TRIP11: variants seen among roughly 807,000 people sequenced by gnomAD.
TRIP11 encodes the protein thyroid hormone receptor interactor 11, also known as thyroid receptor-interacting protein 11.
In TRIP11, 148 loss-of-function variants were observed where a neutral mutation model predicts 223.1. The observed-to-expected ratio is 0.66, with a 90% CI of 0.58 to 0.76. TRIP11 has a LOEUF of 0.76. Ranked by LOEUF, TRIP11 falls within the 30% of genes least tolerant of loss-of-function variation. The pLI is 0.00. For missense variants in TRIP11, 2,043 were observed against 2,222.0 expected (o/e 0.92, Z 1.62); for synonymous variants, 762 against 772.6 (o/e 0.99, Z 0.23).
At position 92,006,324 on chromosome 14, in the gene TRIP11, A is replaced by C. The variant is rs771859255; in HGVS notation, c.1652T>G (p.Met551Arg). ...KRVHQLEDDK[M>R]DITKELDVQK... ...TACATCTAACTCTTTAGTAATGTCC[A>C]TTTTATCATCTTCAAGTTGATGAAC... The change falls in exon 11 of 21, where the codon ATG (methionine) becomes AGG (arginine). Residue 551 changes from methionine to arginine, a missense_variant. Coordinates refer to ENST00000267622, the MANE Select transcript of TRIP11 (RefSeq NM_004239.4). 3.7e-6 allele frequency: 6 copies of C among 1,610,314 alleles called. No individual in the cohort carries two copies. The African/African-American group carries it at 8.0e-5, about 22-fold the overall frequency.
chr14:91,978,983 G>A lies in TRIP11; in HGVS notation c.5261-2794C>T, dbSNP rs79212500. 6.6e-6 allele frequency among the ~76,000 whole-genome samples: 1 copy of A among 152,046 alleles called. No individual in the cohort carries two copies. Among genetic ancestry groups the A allele is most frequent in the Non-Finnish European group, 1.5e-5 (1 of 68,008 alleles). On this transcript the variant is annotated intron_variant, in intron 16 of 20. Transcript: ENST00000267622. This position sits in a 1 kb window ranked among gnomAD's most constrained non-coding sequence, Gnocchi z 4.4. ...CTTATTTTAAAAAGAGAGGCTGGGC[G>A]CAGTGGCTCACGCTTGTAATCCCAG... is the stretch of plus-strand genomic sequence containing the variant.
At chr14:92,024,469 T>G (rs576786305) in intron 3 of TRIP11, among the ~76,000 whole-genome samples, 1 of 152,300 alleles carries the variant, frequency 6.6e-6, no homozygotes, top group South Asian at 2.1e-4. Context: ...TTTATGAAAT[T>G]ATCACTTCCC....
Position 92,005,349 on chromosome 14 carries a change from T to C in TRIP11, c.2627A>G (p.Gln876Arg). The change falls in exon 11 of 21, where the codon CAG becomes CGG. Residue 876 changes from glutamine (Q) to arginine (R), a missense_variant. Physicochemically the swap from Gln to Arg is conservative, Grantham distance 43. Transcript: ENST00000267622. The stretch of plus-strand genomic sequence containing the variant: ...GTCAGCCACAGGTGCGGTTCGACTC[T>C]GCTCTTCCCTGAGTCGTTCCAATTC... ...QEELERLREE[Q>R]SRTAPVADPK... 2 of 1,614,238 alleles carry C rather than the reference T, an allele frequency of 1.2e-6. No individual in the cohort carries two copies. The highest frequency in any genetic ancestry group is 1.7e-6 in the Non-Finnish European group (2 of 1,180,040).
chr14:92,006,640 T>C (rs2056906865), intron 10 of TRIP11, among the ~76,000 whole-genome samples, 192 bp from the exon 11 acceptor site: 1 of 152,242 alleles, frequency 6.6e-6, no homozygotes, highest in African/African-American at 2.4e-5. Flanking sequence ...ACCCATCTTG[T>C]CTTTTTTGTT....
chr14:92,000,830 G>A (rs1045269599), intron 11 of TRIP11, among the ~76,000 whole-genome samples: 3 of 151,592 alleles, frequency 2.0e-5, no homozygotes, highest in Non-Finnish European at 4.4e-5. Context: ...ACAAAAACGT[G>A]TCAGGCTGCT....
intron 5 of TRIP11, among the ~76,000 whole-genome samples, chr14:92,017,148 G>A (rs891691823): frequency 4.6e-5 from 7 of 152,088 alleles, no homozygotes; most frequent in Admixed American, 6.5e-5. Context: ...AGAGACTTAC[G>A]AAAGATAAGC....
At position 92,039,857 on chromosome 14, in the gene TRIP11, G is replaced by C. The variant is rs1595420404; in HGVS notation, c.-172C>G. ...TCCAGGTTCTGCCTAGAAACGCAGAGGCCTGGCCTGGAATTTTACCAGGGG... is the reference window on the plus strand; with the variant it reads ...TCCAGGTTCTGCCTAGAAACGCAGACGCCTGGCCTGGAATTTTACCAGGGG... On this transcript the variant is annotated 5_prime_UTR_variant, in exon 1 of 21. Transcript: ENST00000267622. 7.2e-7 allele frequency: 1 copy of C among 1,385,542 alleles called. No individual in the cohort carries two copies. The highest frequency in any genetic ancestry group is 1.5e-5 in the African/African-American group (1 of 68,780). The allele number at this position is 1,385,542 out of a possible 1,614,324, so 85.8% of individuals were successfully genotyped here.
intron 6 of TRIP11, among the ~76,000 whole-genome samples, chr14:92,015,458 G>A (rs2057023797): frequency 6.6e-6 from 1 of 151,722 alleles, no homozygotes; most frequent in Non-Finnish European, 1.5e-5. Flanking sequence ...CACGAGTTTG[G>A]GACCAGCCTG....
intron 2 of TRIP11, among the ~76,000 whole-genome samples, chr14:92,032,089 T>C (rs1566876044): frequency 6.6e-6 from 1 of 152,194 alleles, no homozygotes; most frequent in Non-Finnish European, 1.5e-5. Flanking sequence ...CATGAGCCAC[T>C]GCGCCCAATC....
chr14:91,999,336 G>A lies in TRIP11; in HGVS notation c.4796C>T (p.Ala1599Val). The A allele has an allele frequency of 1.2e-6, 2 of 1,613,892 alleles. No homozygotes were observed. Among genetic ancestry groups the A allele is most frequent in the Non-Finnish European group, 1.7e-6 (2 of 1,179,904 alleles). Residue 1599 changes from alanine to valine, a missense_variant, in exon 13 of 21, where the codon GCT becomes GTT. Transcript: ENST00000267622. ...LESEDSYTRE[A>V]LAAEDREAKL... ...AGCCTCTCTATCTTCTGCAGCCAAA[G>A]CTTCACGGGTATAAGAATCTTCTGA...
intron 15 of TRIP11, among the ~76,000 whole-genome samples, chr14:91,991,421 C>A (rs1393259326): frequency 6.6e-6 from 1 of 152,168 alleles, no homozygotes; most frequent in Admixed American, 6.5e-5. Flanking sequence ...GACTAAGACA[C>A]TTCCTACCCA....
chr14:91,977,616 T>TC lies in TRIP11; in HGVS notation c.5261-1428_5261-1427insG, dbSNP rs552535903. ...CAAATGTTTTGTCATTCTTTTCTTTTTTTTTTTTTCCTGCCTGGAAAGCTC... is the reference window on the plus strand; with the variant it reads ...CAAATGTTTTGTCATTCTTTTCTTTTCTTTTTTTTTCCTGCCTGGAAAGCTC... On this transcript the variant is annotated intron_variant, in intron 16 of 20. Transcript: ENST00000267622. 2.2e-3 allele frequency among the ~76,000 whole-genome samples: 339 copies of TC among 152,046 alleles called. 1 individual carries two copies. Among genetic ancestry groups the TC allele is most frequent in the African/African-American group, 7.4e-3 (306 of 41,502 alleles).
rs548423966 is a variant in TRIP11, at chr14:91,991,132, T to C, written c.5160+2677A>G. ...GAGGTAGGGCCTGATGGGAGGTGTTTGGTTCATGGGGGCACCACCCTCATG... is the reference window on the plus strand; with the variant it reads ...GAGGTAGGGCCTGATGGGAGGTGTTCGGTTCATGGGGGCACCACCCTCATG... On this transcript the variant is annotated intron_variant, in intron 15 of 20. Coordinates refer to ENST00000267622, the MANE Select transcript of TRIP11 (RefSeq NM_004239.4). Among the ~76,000 whole-genome samples, 42 of 152,226 alleles carry C rather than the reference T, an allele frequency of 2.8e-4. 1 individual carries two copies. In the South Asian group the frequency reaches 8.5e-3, roughly 31 times the overall value.
Position 91,993,884 on chromosome 14 carries a change from G to A in TRIP11, c.5085C>T (p.Leu1695=), listed in dbSNP as rs138379032. Residue 1695 remains leucine, a synonymous_variant, in exon 15 of 21, where the codon CTC becomes CTT. Coordinates refer to ENST00000267622, the MANE Select transcript of TRIP11 (RefSeq NM_004239.4). ...CAGCTATAAGCTGTTTTTGCTTTTC[G>A]AGTTCAGCAGAATACATAGCTTTTT... ...QEEKAMYSAE[L]EKQKQLIAEW... is the part of the protein sequence containing the mutation. The A allele has an allele frequency of 5.5e-5, 88 of 1,613,186 alleles. No homozygotes were observed. In the African/African-American group the frequency reaches 8.7e-4, roughly 16 times the overall value.
Position 92,010,900 on chromosome 14 carries a change from A to G in TRIP11, c.1314+86T>C, listed in dbSNP as rs116976498. The G allele has an allele frequency of 0.013, 15,845 of 1,243,658 alleles. 166 individuals are homozygous for G. Among genetic ancestry groups the G allele is most frequent in the Non-Finnish European group, 0.015 (12,771 of 843,826 alleles). 77.0% of individuals were successfully genotyped at this position (1,243,658 alleles called of 1,614,324 possible). ...CTAAGGACTTGAGCTCAATTACTCA[A>G]CATTCCATTTGGATATCAACTGGCC... On this transcript the variant is annotated intron_variant, in intron 9 of 20. Transcript: ENST00000267622.
At chr14:92,017,112 C>T (rs74071813) in intron 5 of TRIP11, among the ~76,000 whole-genome samples, 1,998 of 151,982 alleles carry the variant, frequency 0.013, 28 homozygotes, top group African/African-American at 0.045. Context: ...TTAATAAAGA[C>T]GGTTTTACAA....
chr14:92,032,014 G>A (rs1026223732), intron 2 of TRIP11, among the ~76,000 whole-genome samples: 7 of 151,772 alleles, frequency 4.6e-5, no homozygotes, highest in East Asian at 1.9e-4. Context: ...TTTTGTAACC[G>A]GTCTCAAACT....
chr14:92,010,866 A>G, intron 9 of TRIP11, 120 bp downstream of exon 9: 2 of 945,994 alleles, frequency 2.1e-6, no homozygotes, highest in Non-Finnish European at 3.4e-6. Flanking sequence ...CAGTGAGATC[A>G]GCTTTATTCT....
Position 92,004,853 on chromosome 14 carries a change from A to C in TRIP11, c.3123T>G (p.Ser1041=). 1.2e-6 allele frequency: 2 copies of C among 1,613,894 alleles called. No homozygotes were observed. The highest frequency in any genetic ancestry group is 1.7e-6 in the Non-Finnish European group (2 of 1,179,970). Reference sequence around the variant, plus strand: ...ACAACTGATCAATCTGTTTAGTTAAAGATATATTCTTTTCATTTAGAAGTT... The same window carrying C: ...ACAACTGATCAATCTGTTTAGTTAACGATATATTCTTTTCATTTAGAAGTT... ...EIKLLNEKNI[S]LTKQIDQLSK... The change falls in exon 11 of 21, where the codon TCT becomes TCG. Residue 1041 remains serine, a synonymous_variant. Transcript: ENST00000267622.
Sources: allele counts gnomAD v4.1 joint callset (sites outside exome capture counted in the v4.1 genomes callset), GRCh38; gene constraint gnomAD v4.1.1; non-coding constraint Gnocchi (gnomAD v3.1); transcripts MANE v1.5; gene names NCBI Gene and HGNC (gene_info 2026-07-23, HGNC 2026-07-21).